C12orf42: variants seen among roughly 807,000 people sequenced by gnomAD.
C12orf42 encodes uncharacterized protein C12orf42.
Under a neutral mutation model 21.6 loss-of-function variants are expected in C12orf42, and 25 were observed. The observed-to-expected ratio is 1.16, with a 90% confidence interval of 0.84 to 1.62. C12orf42 has a LOEUF of 1.62. Ranked by LOEUF, C12orf42 falls within the 40% of genes most tolerant of loss-of-function variation. The pLI is 0.00. For missense variants in C12orf42, 483 were observed against 459.3 expected, an observed-to-expected ratio of 1.05 and a Z score of -0.47; for synonymous variants, 174 against 175.0, an observed-to-expected ratio of 0.99 and a Z score of 0.05.
At chr12:103,478,136 G>A in intron 2 of C12orf42, 1 of 467,126 alleles carries the variant, frequency 2.1e-6, no homozygotes, top group South Asian at 2.8e-5. Flanking sequence ...AATGTAATGT[G>A]TCCCTAATAG....
chr12:103,049,584 C>G, the C12orf42 span, among the ~76,000 whole-genome samples: 3 of 152,280 alleles, frequency 2.0e-5, no homozygotes, highest in South Asian at 4.1e-4. Flanking sequence ...GCTCAAAAAT[C>G]TCCCAACGTT....
At chr12:103,140,361 C>T in the C12orf42 span, among the ~76,000 whole-genome samples, 1 of 152,224 alleles carries the variant, frequency 6.6e-6, no homozygotes, top group Non-Finnish European at 1.5e-5. Context: ...TCCTCCTCAG[C>T]AGAATGCCAA....
chr12:103,337,372 G>A (rs773934195), intron 4 of C12orf42, among the ~76,000 whole-genome samples: 2 of 152,106 alleles, frequency 1.3e-5, no homozygotes, highest in African/African-American at 2.4e-5. Context: ...GTTTGTTTTT[G>A]ATGGAATCTC....
chr12:103,480,361 C>T (rs1954378022), intron 1 of C12orf42, among the ~76,000 whole-genome samples: 1 of 151,220 alleles, frequency 6.6e-6, no homozygotes, highest in African/African-American at 2.4e-5. Flanking sequence ...ACAGTCTTGT[C>T]AATTTTATTA....
At chr12:103,315,902 C>A (rs555786646) in intron 4 of C12orf42, among the ~76,000 whole-genome samples, 2 of 151,862 alleles carry the variant, frequency 1.3e-5, no homozygotes, top group Non-Finnish European at 2.9e-5. Context: ...TAAAATAATA[C>A]ATAAGTTAAT....
chr12:103,240,978 C>G (rs1452415994), intron 10 of C12orf42, among the ~76,000 whole-genome samples: 1 of 152,110 alleles, frequency 6.6e-6, no homozygotes, highest in East Asian at 1.9e-4. Context: ...GAATGCAATG[C>G]TCTAACATCT....
At chr12:103,277,229 T>C (rs191745284) in intron 4 of C12orf42, 14 of 443,706 alleles carry the variant, frequency 3.2e-5, no homozygotes, top group Admixed American at 1.9e-4. Flanking sequence ...AAGTACCATA[T>C]GGAAAGGGGG....
the C12orf42 span, among the ~76,000 whole-genome samples, chr12:103,532,397 A>G: frequency 6.6e-6 from 1 of 152,236 alleles, no homozygotes; most frequent in South Asian, 2.1e-4. Context: ...GGACTTATTT[A>G]TATGCTTTGA....
chr12:103,226,085 G>C, the C12orf42 span, among the ~76,000 whole-genome samples: 3 of 152,182 alleles, frequency 2.0e-5, no homozygotes, highest in Non-Finnish European at 4.4e-5. Context: ...CGTGGCTTAG[G>C]AGGAATCCCA....
At chr12:103,392,693 A>T (rs982509787) in intron 3 of C12orf42, among the ~76,000 whole-genome samples, 1 of 152,196 alleles carries the variant, frequency 6.6e-6, no homozygotes, top group Non-Finnish European at 1.5e-5. Context: ...AGCTTTGCTG[A>T]ATTTGTTTAT....
chr12:103,145,149 T>C, the C12orf42 span, among the ~76,000 whole-genome samples: 2 of 152,150 alleles, frequency 1.3e-5, no homozygotes, highest in African/African-American at 4.8e-5. Flanking sequence ...CCCAAAAAAC[T>C]CAAACTTTTA....
chr12:103,362,217 C>T (rs1312622074), intron 4 of C12orf42, among the ~76,000 whole-genome samples: 1 of 152,094 alleles, frequency 6.6e-6, no homozygotes. Flanking sequence ...CAGCCTGGAG[C>T]CTGGTAGCCC....
At chr12:103,562,881 G>A in the C12orf42 span, among the ~76,000 whole-genome samples, 1 of 152,078 alleles carries the variant, frequency 6.6e-6, no homozygotes, top group African/African-American at 2.4e-5. Flanking sequence ...GTATCATTTT[G>A]GCCCCTACAT....
chr12:103,529,462 C>T, the C12orf42 span, among the ~76,000 whole-genome samples: 16 of 152,304 alleles, frequency 1.1e-4, no homozygotes, highest in African/African-American at 3.4e-4. Flanking sequence ...TTCAACAGTG[C>T]GTCGGCTCTC....
the C12orf42 span, among the ~76,000 whole-genome samples, chr12:103,056,416 T>C: frequency 6.6e-6 from 1 of 152,182 alleles, no homozygotes; most frequent in Non-Finnish European, 1.5e-5. Flanking sequence ...TTGACTATAA[T>C]GTGCCTTGGT....
chr12:103,232,706 G>A (rs867862040), downstream of C12orf42, among the ~76,000 whole-genome samples: 4 of 77,378 alleles, frequency 5.2e-5, no homozygotes, highest in African/African-American at 7.5e-5. Flanking sequence ...GCTAGACTCC[G>A]TCTCAAAAAA....
the C12orf42 span, among the ~76,000 whole-genome samples, chr12:103,546,890 G>A: frequency 6.6e-6 from 1 of 152,160 alleles, no homozygotes; most frequent in Non-Finnish European, 1.5e-5. Context: ...CAAAGACACA[G>A]GGACACGGAG....
the C12orf42 span, among the ~76,000 whole-genome samples, chr12:103,107,059 A>G: frequency 6.6e-6 from 1 of 151,998 alleles, no homozygotes. Flanking sequence ...GGAATAATTT[A>G]CTAGAAAACT....
At chr12:103,427,180 C>T (rs1949888694) in intron 2 of C12orf42, among the ~76,000 whole-genome samples, 1 of 151,148 alleles carries the variant, frequency 6.6e-6, no homozygotes, top group African/African-American at 2.4e-5. Context: ...GATAAAGAGT[C>T]AAGACCCATC....
Sources: allele counts gnomAD v4.1 joint callset (sites outside exome capture counted in the v4.1 genomes callset), GRCh38; gene constraint gnomAD v4.1.1; transcripts MANE v1.5; gene names NCBI Gene and HGNC (gene_info 2026-07-23, HGNC 2026-07-21).